ICA1: variants seen among roughly 807,000 people sequenced by gnomAD.
ICA1 encodes 69 kDa islet cell autoantigen.
Under a neutral mutation model 71.0 loss-of-function variants are expected in ICA1, and 40 were observed. That is an observed-to-expected ratio of 0.56 (90% CI 0.44 to 0.73). The LOEUF (loss-of-function observed/expected upper bound fraction) is 0.73, where lower values mean the gene tolerates loss of function less well. Among genes scored for constraint, ICA1 ranks in the 30% least tolerant of loss-of-function variants. The pLI is 0.00. For missense variants in ICA1, 578 were observed against 576.5 expected (o/e 1.00, Z -0.03); for synonymous variants, 207 against 209.5 (o/e 0.99, Z 0.10).
chr7:8,148,452 G>A (rs911432384), intron 8 of ICA1, among the ~76,000 whole-genome samples: 3 of 151,850 alleles, frequency 2.0e-5, no homozygotes, highest in East Asian at 1.9e-4. Flanking sequence ...TTATTTCAGT[G>A]TTAAATATTA....
intron 3 of ICA1, among the ~76,000 whole-genome samples, chr7:8,229,560 T>C (rs553860844): frequency 1.1e-4 from 17 of 152,334 alleles, no homozygotes; most frequent in African/African-American, 3.6e-4. Context: ...TTTCCCTCTT[T>C]CTCTCTCCTA....
At chr7:8,257,227 C>G (rs907403386) in intron 1 of ICA1, among the ~76,000 whole-genome samples, 1 of 152,208 alleles carries the variant, frequency 6.6e-6, no homozygotes, top group Non-Finnish European at 1.5e-5. Flanking sequence ...GTTCCTATGA[C>G]TAAGGAGAGG....
chr7:8,140,676 A>G (rs1479989093), intron 10 of ICA1, among the ~76,000 whole-genome samples: 1 of 152,234 alleles, frequency 6.6e-6, no homozygotes, highest in East Asian at 1.9e-4. Context: ...CTCAATAAAC[A>G]TCTGTTGAAC....
intron 13 of ICA1, among the ~76,000 whole-genome samples, chr7:8,127,443 T>C (rs1006328402): frequency 4.6e-5 from 7 of 151,974 alleles, no homozygotes; most frequent in African/African-American, 1.5e-4. Flanking sequence ...GGAGCAGAAA[T>C]GCAAGATAAA....
At chr7:8,177,953 C>T (rs1331823919) in intron 6 of ICA1, among the ~76,000 whole-genome samples, 4 of 152,230 alleles carry the variant, frequency 2.6e-5, no homozygotes, top group Admixed American at 6.5e-5. Flanking sequence ...ACAGCACTTT[C>T]AGCAGTTCCC....
chr7:8,255,265 C>A (rs1809676105), intron 1 of ICA1, among the ~76,000 whole-genome samples: 1 of 152,172 alleles, frequency 6.6e-6, no homozygotes, highest in Non-Finnish European at 1.5e-5. Context: ...CTTTCTCCAC[C>A]AGCCCAGAGA....
At chr7:8,153,985 T>C (rs1243917717) in intron 8 of ICA1, among the ~76,000 whole-genome samples, 3 of 151,656 alleles carry the variant, frequency 2.0e-5, no homozygotes, top group Non-Finnish European at 2.9e-5. Context: ...GTTATAATTA[T>C]CAGATTAAAA....
At chr7:8,172,509 G>C (rs1427786297) in intron 6 of ICA1, among the ~76,000 whole-genome samples, 2 of 152,064 alleles carry the variant, frequency 1.3e-5, no homozygotes, top group Non-Finnish European at 2.9e-5. Context: ...GCTAGATCTT[G>C]CTTTTGAAAA....
chr7:8,170,446 A>G (rs1807886142), intron 6 of ICA1, among the ~76,000 whole-genome samples: 1 of 151,990 alleles, frequency 6.6e-6, no homozygotes, highest in South Asian at 2.1e-4. Context: ...ACATCTTAAT[A>G]TCTTCTGACC....
chr7:8,227,614 T>C (rs1262023034), intron 4 of ICA1: 2 of 383,694 alleles, frequency 5.2e-6, no homozygotes, highest in Non-Finnish European at 1.0e-5. Flanking sequence ...TCTTTTTTTT[T>C]TTTTTTTTTC....
At chr7:8,184,743 C>A (rs1783349615) in intron 6 of ICA1, among the ~76,000 whole-genome samples, 1 of 152,124 alleles carries the variant, frequency 6.6e-6, no homozygotes. Flanking sequence ...GATGTGTAAA[C>A]CATCTTTAAC....
intron 8 of ICA1, 23 bp from the exon 9 acceptor site, chr7:8,143,995 A>C: frequency 7.8e-7 from 1 of 1,285,692 alleles, no homozygotes. Flanking sequence ...CCATAGAAAA[A>C]TGAAAAAGAA....
intron 8 of ICA1, among the ~76,000 whole-genome samples, chr7:8,152,366 G>A (rs1483353073): frequency 2.0e-5 from 3 of 152,030 alleles, no homozygotes; most frequent in Admixed American, 2.0e-4. Flanking sequence ...TTGTCTTCTG[G>A]ATCTACTATA....
rs150318652 is a variant in ICA1, at chr7:8,260,089, C to G, written c.-80+2005G>C. Among the ~76,000 whole-genome samples, 167 of 152,274 alleles carry G rather than the reference C, an allele frequency of 1.1e-3. 1 individual carries two copies. The highest frequency in any genetic ancestry group is 3.8e-3 in the African/African-American group (158 of 41,544). ...CGAAGAGGAAAAATTCATCCTGACA[C>G]TTGGGGCCTGTTAACTTCCTCCCTC... On this transcript the variant is annotated intron_variant, in intron 1 of 13. Coordinates refer to ENST00000402384, the MANE Select transcript of ICA1 (RefSeq NM_001136020.3).
chr7:8,148,193 T>TTC (rs1797687799), intron 8 of ICA1, among the ~76,000 whole-genome samples: 2 of 152,124 alleles, frequency 1.3e-5, no homozygotes, highest in African/African-American at 4.8e-5. Flanking sequence ...TTCAAGTATA[T>TTC]AATCATACAG....
rs533566348 is a variant in ICA1, at chr7:8,151,365, G to A, written c.804+5751C>T. ...CAAATGACAAGCCACACTCCGGCTC[G>A]TCCCCCTCAGATTTCAGTGGTGGCC... On this transcript the variant is annotated intron_variant, in intron 8 of 13. Coordinates refer to ENST00000402384, the MANE Select transcript of ICA1 (RefSeq NM_001136020.3). 5.3e-5 allele frequency among the ~76,000 whole-genome samples: 8 copies of A among 152,248 alleles called. No individual in the cohort carries two copies. The South Asian group carries it at 8.3e-4, about 16-fold the overall frequency.
chr7:8,217,458 G>A (rs1425591271), intron 6 of ICA1, among the ~76,000 whole-genome samples: 2 of 152,106 alleles, frequency 1.3e-5, no homozygotes, highest in African/African-American at 4.8e-5. Context: ...GAAATCTAGG[G>A]ATTTTAAGCA....
At chr7:8,178,359 C>T (rs1781221294) in intron 6 of ICA1, among the ~76,000 whole-genome samples, 1 of 152,134 alleles carries the variant, frequency 6.6e-6, no homozygotes, top group South Asian at 2.1e-4. Flanking sequence ...ATTGAATGGT[C>T]ACTGTATTTT....
rs41282694 is a variant in ICA1, at chr7:8,221,412, G to C, written c.257-14C>G. The C allele has an allele frequency of 0.022, 35,150 of 1,611,950 alleles. 494 individuals carry two copies. The highest frequency in any genetic ancestry group is 0.026 in the Non-Finnish European group (30,967 of 1,178,540). ...CTTGAGACAAGACTGATGAAGAAAA[G>C]ACCAAAAGGAGCCATGAACAATGAG... On this transcript the variant is annotated splice_polypyrimidine_tract_variant and intron_variant, in intron 4 of 13. Transcript: ENST00000402384.
Sources: gnomAD v4.1 joint callset for allele counts (sites outside exome capture counted in the v4.1 genomes callset) on GRCh38, gnomAD v4.1.1 for gene constraint, MANE v1.5 for transcripts, NCBI Gene and HGNC (gene_info 2026-07-23, HGNC 2026-07-21) for gene names.